RBFOX1: variants seen among roughly 807,000 people sequenced by gnomAD.
The protein encoded by RBFOX1 is RNA binding protein fox-1 homolog 1.
Under a neutral mutation model 57.7 loss-of-function variants are expected in RBFOX1, and 8 were observed. The ratio of observed to expected loss-of-function variants is 0.14; its 90% CI spans 0.08 to 0.25. RBFOX1 has a LOEUF of 0.25. Among genes scored for constraint, RBFOX1 ranks in the 10% least tolerant of loss-of-function variants. The probability of loss-of-function intolerance (pLI) is 1.00; values close to 1 mark genes in which losing one functional copy is unlikely to be tolerated. For missense variants in RBFOX1, 611 were observed against 548.5 expected, an observed-to-expected ratio of 1.11 and a Z score of -1.14; for synonymous variants, 326 against 222.4, an observed-to-expected ratio of 1.47 and a Z score of -4.15.
chr16:6,095,220 A>C (rs1403589486), intron 1 of RBFOX1, among the ~76,000 whole-genome samples: 2 of 152,226 alleles, frequency 1.3e-5, no homozygotes, highest in Admixed American at 6.5e-5. Flanking sequence ...GTGGATTTGG[A>C]ATTCCTTTCC....
rs553889418 is a variant in RBFOX1, at chr16:6,169,656, C to G, written c.-126-147339C>G. On this transcript the variant is annotated intron_variant, in intron 1 of 15. Coordinates refer to ENST00000550418, the MANE Select transcript of RBFOX1 (RefSeq NM_018723.4). ...AGATTGGTTACAGCTCCGCGTTTGC[C>G]TAATTTGAACATAGTTTCAACACTC... Among the ~76,000 whole-genome samples the G allele has an allele frequency of 6.0e-4, 92 of 152,288 alleles. 2 individuals carry two copies. In the South Asian group the frequency reaches 0.014, roughly 24 times the overall value.
chr16:7,441,796 C>G (rs1161974191), intron 4 of RBFOX1, among the ~76,000 whole-genome samples: 1 of 152,174 alleles, frequency 6.6e-6, no homozygotes, highest in African/African-American at 2.4e-5. Context: ...CCCAGGTCAA[C>G]ACAGACCCTC....
chr16:7,017,563 T>C (rs79712316), intron 3 of RBFOX1, among the ~76,000 whole-genome samples: 2,466 of 152,294 alleles, frequency 0.016, 74 homozygotes, highest in African/African-American at 0.055. Flanking sequence ...GGAAGTGTTT[T>C]ATAGACGACT....
chr16:6,402,455 A>C (rs1230577315), intron 2 of RBFOX1, among the ~76,000 whole-genome samples: 1 of 152,200 alleles, frequency 6.6e-6, no homozygotes. Context: ...CTTTTAATGC[A>C]CTTTCATTGG....
intron 3 of RBFOX1, among the ~76,000 whole-genome samples, chr16:7,016,345 A>G (rs1308628959): frequency 1.3e-5 from 2 of 152,180 alleles, no homozygotes; most frequent in Non-Finnish European, 2.9e-5. Flanking sequence ...GTCATGGTAT[A>G]AACTAGCCTA....
chr16:7,277,227 A>G (rs926882192), intron 4 of RBFOX1, among the ~76,000 whole-genome samples: 2 of 152,136 alleles, frequency 1.3e-5, no homozygotes, highest in African/African-American at 4.8e-5. Flanking sequence ...TCCTGGAGGA[A>G]TGGTTTCTGT....
chr16:5,593,657 G>A (rs572876041), intron 2 of RBFOX1, among the ~76,000 whole-genome samples: 7 of 152,200 alleles, frequency 4.6e-5, no homozygotes, highest in Admixed American at 2.0e-4. Flanking sequence ...GGAAGTTACC[G>A]TATATGGTCT....
intron 2 of RBFOX1, among the ~76,000 whole-genome samples, chr16:6,566,747 A>G (rs2097272133): frequency 6.6e-6 from 1 of 152,178 alleles, no homozygotes; most frequent in African/African-American, 2.4e-5. Context: ...TATGAGAAAC[A>G]GGATCTGTGT....
At chr16:7,173,128 C>A (rs2081026970) in intron 4 of RBFOX1, among the ~76,000 whole-genome samples, 1 of 152,130 alleles carries the variant, frequency 6.6e-6, no homozygotes, top group Admixed American at 6.5e-5. Flanking sequence ...TTTGATTATT[C>A]ATATTTCATA....
chr16:6,639,617 CTG>C (rs1417551836), intron 2 of RBFOX1, among the ~76,000 whole-genome samples: 1 of 152,180 alleles, frequency 6.6e-6, no homozygotes, highest in East Asian at 1.9e-4. Context: ...TGGCTCACGC[CTG>C]TAATCCCAGC....
At chr16:5,294,795 C>G (rs968029006) in intron 1 of RBFOX1, among the ~76,000 whole-genome samples, 1 of 151,844 alleles carries the variant, frequency 6.6e-6, no homozygotes, top group Non-Finnish European at 1.5e-5. Flanking sequence ...CTTTGGGAGG[C>G]CGAGGTAGGC....
intron 4 of RBFOX1, among the ~76,000 whole-genome samples, chr16:7,252,908 G>T (rs979282180): frequency 2.6e-5 from 4 of 151,970 alleles, no homozygotes; most frequent in Non-Finnish European, 2.9e-5. Context: ...TTATCTTAGA[G>T]CCTCCAAAAA....
At chr16:5,327,834 C>T (rs2064627865) in intron 1 of RBFOX1, among the ~76,000 whole-genome samples, 1 of 152,144 alleles carries the variant, frequency 6.6e-6, no homozygotes, top group African/African-American at 2.4e-5. Context: ...GCAGACTCAT[C>T]CATAGTTAAA....
chr16:7,222,005 A>G (rs1198290454), intron 4 of RBFOX1, among the ~76,000 whole-genome samples: 1 of 152,178 alleles, frequency 6.6e-6, no homozygotes, highest in Non-Finnish European at 1.5e-5. Context: ...TTTTATTTTT[A>G]CCATTATTAG....
chr16:6,315,914 C>CATTTATATGTATATCTGTATATCTAT (rs1390018081), intron 1 of RBFOX1, among the ~76,000 whole-genome samples: 1 of 152,116 alleles, frequency 6.6e-6, no homozygotes, highest in Non-Finnish European at 1.5e-5. Context: ...ATGTCATCTT[C>CATTTATATGTATATCTGTATATCTAT]ATTTATATGT....
At chr16:6,384,041 T>C (rs1044638057) in intron 2 of RBFOX1, among the ~76,000 whole-genome samples, 3 of 149,636 alleles carry the variant, frequency 2.0e-5, no homozygotes, top group Non-Finnish European at 3.0e-5. Flanking sequence ...CCACCATTCA[T>C]CTCTCTTGAT....
intron 3 of RBFOX1, among the ~76,000 whole-genome samples, chr16:6,774,816 A>C (rs975496627): frequency 6.6e-6 from 1 of 152,062 alleles, no homozygotes; most frequent in Non-Finnish European, 1.5e-5. Context: ...TATAGTAGCC[A>C]TGAGCCGTAT....
intron 3 of RBFOX1, among the ~76,000 whole-genome samples, chr16:5,750,833 C>A (rs1189328184): frequency 6.6e-6 from 1 of 152,246 alleles, no homozygotes; most frequent in East Asian, 1.9e-4. Context: ...GATGCCTCGC[C>A]CTGCTTCGGC....
chr16:7,522,888 C>A (rs1012845190), intron 5 of RBFOX1, among the ~76,000 whole-genome samples: 7 of 152,170 alleles, frequency 4.6e-5, no homozygotes, highest in Non-Finnish European at 1.0e-4. Flanking sequence ...CACTTTGATA[C>A]ATTTTTACAA....
Sources: allele counts gnomAD v4.1 joint callset (sites outside exome capture counted in the v4.1 genomes callset), GRCh38; gene constraint gnomAD v4.1.1; transcripts MANE v1.5; gene names NCBI Gene and HGNC (gene_info 2026-07-23, HGNC 2026-07-21).